Variants in PCNX1 observed in about 807,000 individuals in gnomAD.
PCNX1 encodes the protein pecanex-like protein 1.
In PCNX1, 78 loss-of-function variants were observed where a neutral mutation model predicts 242.2. That is an observed-to-expected ratio of 0.32 (90% CI 0.27 to 0.39). The LOEUF (loss-of-function observed/expected upper bound fraction) is 0.39, where lower values mean the gene tolerates loss of function less well. Among genes scored for constraint, PCNX1 ranks in the 10% least tolerant of loss-of-function variants. The pLI, the probability that PCNX1 is intolerant of heterozygous loss-of-function variation, is 1.00. For missense variants in PCNX1, 2,581 were observed against 2,856.5 expected, an observed-to-expected ratio of 0.90 and a Z score of 2.20; for synonymous variants, 1,024 against 1,032.9, an observed-to-expected ratio of 0.99 and a Z score of 0.17.
At position 71,083,608 on chromosome 14, in the gene PCNX1, A is replaced by G. The variant is rs570914151; in HGVS notation, c.5338-4722A>G. On this transcript the variant is annotated intron_variant, in intron 28 of 35. Transcript: ENST00000304743. The stretch of plus-strand genomic sequence containing the variant: ...CTTTATTTCATTAAGTTGATCTTCA[A>G]TCTCTGATATCCTTTCTCCTGCTTG... 1.8e-4 allele frequency among the ~76,000 whole-genome samples: 28 copies of G among 151,848 alleles called. No individual in the cohort carries two copies. The South Asian group carries it at 4.8e-3, about 26-fold the overall frequency.
In PCNX1 at chr14:71,028,726, T is replaced by C. The variant is rs1284918592; in HGVS notation, c.3493T>C (p.Tyr1165His). 2 of 1,608,234 alleles carry C rather than the reference T, an allele frequency of 1.2e-6. No homozygotes were observed. The highest frequency in any genetic ancestry group is 1.7e-6 in the Non-Finnish European group (2 of 1,177,134). ...CACTACAAGCCTGCTTGCAGCACTT[T>C]ACAGTTTTATCTGTAGCATTGTTGC... ...NATTSLLAALYSFICSIVAVA... is the reference protein window; with the variant it reads ...NATTSLLAALHSFICSIVAVA... The change falls in exon 16 of 36, where the codon TAC (tyrosine) becomes CAC (histidine). Residue 1165 changes from tyrosine (Y) to histidine (H), a missense_variant. By Grantham distance (83) the Tyr-to-His change is moderately conservative. This residue lies in a region of PCNX1 where 432 missense variants were observed against 443.1 expected (regional missense o/e 0.97). Coordinates refer to ENST00000304743, the MANE Select transcript of PCNX1 (RefSeq NM_014982.3).
intron 7 of PCNX1, among the ~76,000 whole-genome samples, chr14:70,994,396 G>GAGATAT (rs1555357307): frequency 5.2e-5 from 5 of 96,970 alleles, no homozygotes; most frequent in African/African-American, 1.9e-4. Flanking sequence ...ACAGGCTTAA[G>GAGATAT]ATATATATAT....
chr14:71,005,711 T>C (rs1032440514), intron 8 of PCNX1, among the ~76,000 whole-genome samples: 1 of 152,234 alleles, frequency 6.6e-6, no homozygotes, highest in Non-Finnish European at 1.5e-5. Flanking sequence ...CATTCATGGC[T>C]CTAGGCAAAT....
intron 26 of PCNX1, among the ~76,000 whole-genome samples, chr14:71,061,572 A>C (rs1024708571): frequency 6.6e-6 from 1 of 152,156 alleles, no homozygotes; most frequent in African/African-American, 2.4e-5. Flanking sequence ...TACCCAGGCT[A>C]TTTCTGCAAC....
At chr14:70,926,313 A>G (rs569175886) in intron 1 of PCNX1, among the ~76,000 whole-genome samples, 1 of 151,610 alleles carries the variant, frequency 6.6e-6, no homozygotes, top group Admixed American at 6.6e-5. Flanking sequence ...TGCTTATATC[A>G]GATACTCTCT....
intron 16 of PCNX1, among the ~76,000 whole-genome samples, chr14:71,032,744 C>A (rs2060424416): frequency 6.6e-6 from 1 of 152,186 alleles, no homozygotes; most frequent in South Asian, 2.1e-4. Flanking sequence ...GTTACCTGTT[C>A]CAGTTAGTGT....
intron 25 of PCNX1, among the ~76,000 whole-genome samples, chr14:71,056,096 T>C (rs148549239): frequency 3.9e-4 from 60 of 152,316 alleles, no homozygotes; most frequent in African/African-American, 1.4e-3. Context: ...GAAACATCAT[T>C]TTATTGGCCC....
At chr14:71,029,084 G>T (rs1751308029) in intron 16 of PCNX1, among the ~76,000 whole-genome samples, 1 of 152,014 alleles carries the variant, frequency 6.6e-6, no homozygotes, top group South Asian at 2.1e-4. Context: ...AGTAATTACA[G>T]AATATGAAAT....
intron 1 of PCNX1, among the ~76,000 whole-genome samples, chr14:70,935,278 GTCTCATGCCTGTAA>G (rs1478163986): frequency 3.3e-5 from 5 of 152,226 alleles, no homozygotes; most frequent in Non-Finnish European, 5.9e-5. Flanking sequence ...TGGGCACAGT[GTCTCATGCCTGTAA>G]TCCGAGCACT....
chr14:71,076,162 C>CTTTTTTTTTTTTTTTTTTTTTTTTTT (rs763157187), intron 27 of PCNX1, 27 bp from the exon 28 acceptor site: 1 of 1,167,482 alleles, frequency 8.6e-7, no homozygotes, highest in Non-Finnish European at 1.2e-6. Context: ...AATCTGAATT[C>CTTTTTTTTTTTTTTTTTTTTTTTTTT]TTTTTTTTTT....
chr14:70,970,385 C>G (rs1302762669), intron 5 of PCNX1, among the ~76,000 whole-genome samples: 1 of 151,968 alleles, frequency 6.6e-6, no homozygotes, highest in Non-Finnish European at 1.5e-5. Flanking sequence ...GTCAATCAAC[C>G]AATCAATCAG....
intron 1 of PCNX1, among the ~76,000 whole-genome samples, chr14:70,941,796 G>A (rs1158995001): frequency 3.3e-5 from 5 of 152,170 alleles, no homozygotes; most frequent in Non-Finnish European, 5.9e-5. Flanking sequence ...GAGCTTCCTG[G>A]CAGCTTTGTT....
intron 2 of PCNX1, among the ~76,000 whole-genome samples, chr14:70,949,288 C>CAT (rs1273952666): frequency 3.0e-4 from 30 of 99,880 alleles, no homozygotes; most frequent in Admixed American, 1.9e-3. Flanking sequence ...TGTATACACA[C>CAT]ACGTGTGTAC....
chr14:71,108,476 G>T (rs76040354), intron 33 of PCNX1, 128 bp from the exon 34 acceptor site: 6,936 of 625,414 alleles, frequency 0.011, 68 homozygotes, highest in East Asian at 0.015. Flanking sequence ...AAAGTTTTAG[G>T]CATAAACGTT....
intron 8 of PCNX1, among the ~76,000 whole-genome samples, chr14:70,996,620 T>G (rs2059360349): frequency 6.6e-6 from 1 of 152,168 alleles, no homozygotes; most frequent in Non-Finnish European, 1.5e-5. Flanking sequence ...TTACTTTGGT[T>G]TCTGTGTCTC....
chr14:70,923,540 G>A (rs985001064), intron 1 of PCNX1, among the ~76,000 whole-genome samples: 2 of 152,074 alleles, frequency 1.3e-5, no homozygotes, highest in African/African-American at 4.8e-5. Flanking sequence ...TTGTCCACTC[G>A]TGTACCACCT....
At chr14:71,030,016 T>A (rs1245876646) in intron 16 of PCNX1, among the ~76,000 whole-genome samples, 4 of 152,220 alleles carry the variant, frequency 2.6e-5, no homozygotes, top group Non-Finnish European at 5.9e-5. Flanking sequence ...TGTGTATTCA[T>A]TTCTCTTGGG....
At chr14:71,054,882 A>G (rs1042023688) in intron 24 of PCNX1, among the ~76,000 whole-genome samples, 1 of 152,082 alleles carries the variant, frequency 6.6e-6, no homozygotes, top group African/African-American at 2.4e-5. Flanking sequence ...TGTTTGCTTT[A>G]TTGTGCAAGT....
intron 19 of PCNX1, among the ~76,000 whole-genome samples, chr14:71,040,130 C>T (rs968963902): frequency 6.6e-6 from 1 of 152,140 alleles, no homozygotes; most frequent in African/African-American, 2.4e-5. Flanking sequence ...AGTTTAAAAT[C>T]CCCCTTTCTT....
Sources: allele counts gnomAD v4.1 joint callset (sites outside exome capture counted in the v4.1 genomes callset), GRCh38; gene constraint gnomAD v4.1.1; regional missense constraint gnomAD v4.1.1; transcripts MANE v1.5; gene names NCBI Gene and HGNC (gene_info 2026-07-23, HGNC 2026-07-21).